ITGA9: variants seen among roughly 807,000 people sequenced by gnomAD.
The protein encoded by ITGA9 is integrin alpha-9.
In ITGA9, 56 loss-of-function variants were observed where a neutral mutation model predicts 127.8. The ratio of observed to expected loss-of-function variants is 0.44; its 90% CI spans 0.35 to 0.55. The LOEUF is 0.55. Ranked by LOEUF, ITGA9 falls within the 20% of genes least tolerant of loss-of-function variation. The pLI, the probability that ITGA9 is intolerant of heterozygous loss-of-function variation, is 0.00. For synonymous variants in ITGA9, 508 were observed against 514.5 expected (o/e 0.99, Z 0.17); for missense variants, 1,196 against 1,347.1 (o/e 0.89, Z 1.76).
chr3:37,808,555 C>G (rs552791253), intron 27 of ITGA9: 1 of 152,338 alleles, frequency 6.6e-6, no homozygotes, highest in African/African-American at 2.4e-5. Flanking sequence ...TACCAGCTAG[C>G]TATGCTGCAT....
At chr3:37,570,095 C>T (rs182463271) in intron 15 of ITGA9, among the ~76,000 whole-genome samples, 129 of 152,364 alleles carry the variant, frequency 8.5e-4, no homozygotes, top group Non-Finnish European at 1.5e-3. Flanking sequence ...TTTTGCTATG[C>T]GCCAAAGCAG....
At chr3:37,743,287 G>A (rs935265845) in intron 21 of ITGA9, among the ~76,000 whole-genome samples, 3 of 152,198 alleles carry the variant, frequency 2.0e-5, no homozygotes, top group African/African-American at 4.8e-5. Context: ...TCTAGAAGTC[G>A]ATATTTGTCT....
intron 18 of ITGA9, among the ~76,000 whole-genome samples, chr3:37,719,149 G>A (rs905560094): frequency 6.6e-6 from 1 of 152,228 alleles, no homozygotes; most frequent in South Asian, 2.1e-4. Flanking sequence ...CCAGGAGGCC[G>A]TTTTGTGCTG....
intron 27 of ITGA9, 77 bp from the exon 28 acceptor site, chr3:37,818,814 G>T: frequency 9.2e-7 from 1 of 1,089,418 alleles, no homozygotes; most frequent in Admixed American, 1.7e-5. Flanking sequence ...ACCTACCCAG[G>T]GACAGACTGC....
intron 9 of ITGA9, 64 bp from the exon 10 acceptor site, chr3:37,517,440 T>G: frequency 7.9e-7 from 1 of 1,263,096 alleles, no homozygotes; most frequent in Non-Finnish European, 1.1e-6. Flanking sequence ...TTTTATTGAT[T>G]TTTATTGTTT....
chr3:37,558,889 A>G (rs1699457001), intron 15 of ITGA9, among the ~76,000 whole-genome samples: 1 of 151,906 alleles, frequency 6.6e-6, no homozygotes, highest in Non-Finnish European at 1.5e-5. Flanking sequence ...CTCTCTGCTA[A>G]CCCTCCTCTC....
At chr3:37,509,168 G>A (rs918167104) in intron 8 of ITGA9, among the ~76,000 whole-genome samples, 2 of 152,150 alleles carry the variant, frequency 1.3e-5, no homozygotes, top group Non-Finnish European at 1.5e-5. Flanking sequence ...TCAGGGTGCT[G>A]CCCTAAAGTT....
rs1697487767 is a variant in ITGA9 at position 37,819,669 on chromosome 3, TTTCA to T, written c.*683_*686del. 6.6e-6 allele frequency: 1 copy of T among 152,386 alleles called. No homozygotes were observed. The highest frequency in any genetic ancestry group is 6.5e-5 in the Admixed American group (1 of 15,300). 9.4% of individuals were successfully genotyped at this position (152,386 alleles called of 1,614,324 possible). On this transcript the variant is annotated 3_prime_UTR_variant, in exon 28 of 28. Transcript: ENST00000264741. Reference sequence around the variant, plus strand: ...CTGTAAGTGTTTTTTCATATGTACTTTTCATTGGAAGATTCCCAACAAGAATTTG... The same window carrying T: ...CTGTAAGTGTTTTTTCATATGTACTTTTGGAAGATTCCCAACAAGAATTTG...
chr3:37,545,819 T>G (rs866891149), intron 15 of ITGA9, among the ~76,000 whole-genome samples: 3 of 152,190 alleles, frequency 2.0e-5, no homozygotes, highest in Non-Finnish European at 2.9e-5. Flanking sequence ...CTGCCTGACC[T>G]TACCTTTCTA....
At chr3:37,768,402 G>A (rs1350903293) in intron 23 of ITGA9, among the ~76,000 whole-genome samples, 3 of 152,190 alleles carry the variant, frequency 2.0e-5, no homozygotes, top group Non-Finnish European at 2.9e-5. Flanking sequence ...TGTCACCACA[G>A]CCATTGTAGT....
rs757214035 is a variant in ITGA9, at chr3:37,471,116, G to A, written c.295G>A (p.Glu99Lys). Residue 99 changes from glutamate (E) to lysine (K), a missense_variant, in exon 2 of 28, where the codon GAA becomes AAA. By Grantham distance (56) the Glu-to-Lys change is moderately conservative (BLOSUM62 1). Transcript: ENST00000264741. ...CACCAACCCTGACCGGAGATGCACC[G>A]AACTGGACATGGCTCGAGGTGGGTG... ...VHTNPDRRCT[E>K]LDMARGKNRG... 2.3e-5 allele frequency: 37 copies of A among 1,613,880 alleles called. No homozygotes were observed. The Admixed American group carries it at 4.0e-4, about 17-fold the overall frequency.
intron 23 of ITGA9, among the ~76,000 whole-genome samples, chr3:37,757,679 A>G (rs182131089): frequency 1.3e-5 from 2 of 151,878 alleles, no homozygotes; most frequent in Non-Finnish European, 2.9e-5. Flanking sequence ...AATCTTTTCA[A>G]TTTTATTCAC....
At chr3:37,630,983 C>T (rs1225359607) in intron 16 of ITGA9, among the ~76,000 whole-genome samples, 4 of 152,174 alleles carry the variant, frequency 2.6e-5, no homozygotes, top group African/African-American at 9.7e-5. Flanking sequence ...CTGGGAAGTA[C>T]AGACCTAGGT....
chr3:37,490,975 C>CCCTTTTTT (rs548395527), intron 4 of ITGA9, among the ~76,000 whole-genome samples: 2 of 105,104 alleles, frequency 1.9e-5, no homozygotes, highest in Admixed American at 1.0e-4. Context: ...TTCCCCCCCG[C>CCCTTTTTT]TTTTTTTTTT....
In ITGA9 at chr3:37,629,207, C is replaced by T. The variant is rs145334938; in HGVS notation, c.1710C>T (p.Ile570=). The T allele has an allele frequency of 2.1e-4, 334 of 1,613,056 alleles. 2 individuals carry two copies. The African/African-American group carries it at 4.2e-3, about 20-fold the overall frequency. Residue 570 remains isoleucine (I), a synonymous_variant, in exon 16 of 28, where the codon ATC becomes ATT. Transcript: ENST00000264741. The surrounding 1 kb of genome is among the most constrained non-coding windows in gnomAD (Gnocchi z 4.5). The stretch of plus-strand genomic sequence containing the variant: ...TTCAGCGGAGGGTGCAGGACGTCAT[C>T]AGCCCGATCGTGTTTGAAGCAGCCT... ...AHVKRRVQDV[I]SPIVFEAAYS...
At chr3:37,780,913 G>A (rs1033348202) in intron 25 of ITGA9, among the ~76,000 whole-genome samples, 1 of 152,170 alleles carries the variant, frequency 6.6e-6, no homozygotes, top group African/African-American at 2.4e-5. Context: ...AGTGCCATTG[G>A]TAATTTTGCT....
chr3:37,772,267 G>A (rs1696853678), intron 23 of ITGA9, among the ~76,000 whole-genome samples: 10 of 152,130 alleles, frequency 6.6e-5, no homozygotes, highest in Admixed American at 6.5e-4. Context: ...GCTTAGCCAG[G>A]CATGGTGGCG....
At chr3:37,716,669 G>A (rs931635319) in intron 18 of ITGA9, among the ~76,000 whole-genome samples, 7 of 149,076 alleles carry the variant, frequency 4.7e-5, no homozygotes, top group African/African-American at 2.5e-5. Context: ...TTTTTTCAAA[G>A]AAATTAATTT....
intron 16 of ITGA9, among the ~76,000 whole-genome samples, chr3:37,631,355 T>C (rs1006226412): frequency 6.6e-6 from 1 of 152,228 alleles, no homozygotes; most frequent in Non-Finnish European, 1.5e-5. Context: ...AAAAGCATCT[T>C]GGAACCTTTA....
Sources: allele counts gnomAD v4.1 joint callset (sites outside exome capture counted in the v4.1 genomes callset), GRCh38; gene constraint gnomAD v4.1.1; non-coding constraint Gnocchi (gnomAD v3.1); transcripts MANE v1.5; gene names NCBI Gene and HGNC (gene_info 2026-07-23, HGNC 2026-07-21).